Variants in CXADR observed in about 807,000 individuals in gnomAD.
CXADR encodes CXADR cell adhesion molecule, also known as coxsackievirus and adenovirus receptor.
A neutral mutation model predicts 40.3 loss-of-function variants in CXADR; 20 were observed. That is an observed-to-expected ratio of 0.50 (90% CI 0.35 to 0.72). The LOEUF is 0.72. Among genes scored for constraint, CXADR ranks in the 30% least tolerant of loss-of-function variants. The pLI is 0.01. For missense variants in CXADR, 332 were observed against 449.1 expected (o/e 0.74, Z 2.36); for synonymous variants, 150 against 161.3 (o/e 0.93, Z 0.53).
chr21:17,550,891 A>G (rs2060958866), intron 2 of CXADR, among the ~76,000 whole-genome samples: 1 of 152,226 alleles, frequency 6.6e-6, no homozygotes, highest in African/African-American at 2.4e-5. Context: ...GGGTACACAT[A>G]TCTTAAGAGG....
At chr21:17,595,078 C>T (rs1356602145), downstream of CXADR, among the ~76,000 whole-genome samples, 1 of 151,648 alleles carries the variant, frequency 6.6e-6, no homozygotes, top group Non-Finnish European at 1.5e-5. Context: ...AATCTCAGAA[C>T]TAGAGGCCAG....
chr21:17,545,772 G>GTTTT (rs71189545), intron 1 of CXADR, among the ~76,000 whole-genome samples: 1 of 127,078 alleles, frequency 7.9e-6, no homozygotes, highest in Non-Finnish European at 1.7e-5. Flanking sequence ...CAACTATTTG[G>GTTTT]TTTTTTTTGT....
At chr21:17,530,167 G>A (rs1312317676) in intron 1 of CXADR, among the ~76,000 whole-genome samples, 4 of 124,312 alleles carry the variant, frequency 3.2e-5, no homozygotes, top group Non-Finnish European at 4.8e-5. Flanking sequence ...TCACCATACT[G>A]GCCAGGCTGG....
chr21:17,606,950 A>G, the CXADR span, among the ~76,000 whole-genome samples: 1 of 152,288 alleles, frequency 6.6e-6, no homozygotes, highest in Non-Finnish European at 1.5e-5. Flanking sequence ...ATTGCTCTCT[A>G]CAAGTATCTT....
intron 3 of CXADR, 93 bp from the exon 4 acceptor site, chr21:17,558,883 A>G: frequency 7.7e-7 from 1 of 1,302,888 alleles, no homozygotes; most frequent in Non-Finnish European, 1.0e-6. Context: ...CCCAGAACCA[A>G]CTGATAATGA....
chr21:17,620,168 T>A, the CXADR span, among the ~76,000 whole-genome samples: 1 of 152,382 alleles, frequency 6.6e-6, no homozygotes, highest in East Asian at 1.9e-4. Context: ...CTGTCTCGAC[T>A]GACTTTTGCC....
chr21:17,574,992 TAC>T (rs56727668), downstream of CXADR, among the ~76,000 whole-genome samples: 123,499 of 148,548 alleles, frequency 0.83, 51,388 homozygotes, highest in Non-Finnish European at 0.88. Flanking sequence ...ATTACATATA[TAC>T]ACACACATAC....
At chr21:17,633,775 C>T in the CXADR span, among the ~76,000 whole-genome samples, 11 of 152,248 alleles carry the variant, frequency 7.2e-5, no homozygotes, top group African/African-American at 1.9e-4. Context: ...ATTCATCTCC[C>T]CTAAAAATTA....
At chr21:17,529,774 C>A (rs211967) in intron 1 of CXADR, among the ~76,000 whole-genome samples, 150,255 of 152,236 alleles carry the variant, frequency 0.99, 74,185 homozygotes, top group East Asian at 1. Flanking sequence ...CATGCACAGA[C>A]TACCACACAG....
At chr21:17,547,446 A>C (rs542473789) in intron 2 of CXADR, among the ~76,000 whole-genome samples, 137 of 152,346 alleles carry the variant, frequency 9.0e-4, no homozygotes, top group African/African-American at 3.0e-3. Flanking sequence ...TCTTAGAGAC[A>C]CTTCAGGGAA....
At chr21:17,553,764 G>A (rs540260988) in intron 3 of CXADR, among the ~76,000 whole-genome samples, 1 of 152,120 alleles carries the variant, frequency 6.6e-6, no homozygotes, top group African/African-American at 2.4e-5. Context: ...TGGGACTACA[G>A]GTGCCCGCCA....
intron 6 of CXADR, 92 bp from the exon 7 acceptor site, chr21:17,565,336 A>G: frequency 7.2e-7 from 1 of 1,385,934 alleles, no homozygotes. Flanking sequence ...TAGTACCTAA[A>G]TACAGGCTCT....
chr21:17,538,095 G>A (rs1057330083), intron 1 of CXADR, among the ~76,000 whole-genome samples: 1 of 151,924 alleles, frequency 6.6e-6, no homozygotes, highest in African/African-American at 2.4e-5. Context: ...TCCACCTCCC[G>A]GGTTCAAGCC....
the CXADR span, among the ~76,000 whole-genome samples, chr21:17,624,750 T>A: frequency 1.3e-5 from 2 of 152,146 alleles, no homozygotes; most frequent in Non-Finnish European, 2.9e-5. Context: ...GGCACCACTA[T>A]CTGCCTACCA....
chr21:17,529,438 A>C (rs1283598100), intron 1 of CXADR, among the ~76,000 whole-genome samples: 1 of 152,036 alleles, frequency 6.6e-6, no homozygotes, highest in Non-Finnish European at 1.5e-5. Flanking sequence ...CTCATGCCTC[A>C]ACCTGTTGAA....
At chr21:17,616,267 G>GA in the CXADR span, among the ~76,000 whole-genome samples, 34,558 of 141,838 alleles carry the variant, frequency 0.24, 5,079 homozygotes, top group African/African-American at 0.42. Flanking sequence ...AGAAAAGAAG[G>GA]AAAAAAAAAC....
At chr21:17,579,287 TTTC>T (rs907460159) in intron 7 of CXADR, among the ~76,000 whole-genome samples, 18 of 84,876 alleles carry the variant, frequency 2.1e-4, no homozygotes, top group African/African-American at 4.8e-4. Context: ...TTTCTTCTCT[TTTC>T]TTTTTTTTTT....
chr21:17,560,591 C>G, intron 4 of CXADR, 111 bp from the exon 5 acceptor site: 1 of 1,058,290 alleles, frequency 9.4e-7, no homozygotes, highest in African/African-American at 1.6e-5. Context: ...CAGCCTTGGT[C>G]TGTCTTGCTT....
At chr21:17,623,529 T>C in the CXADR span, among the ~76,000 whole-genome samples, 1 of 152,342 alleles carries the variant, frequency 6.6e-6, no homozygotes, top group African/African-American at 2.4e-5. Context: ...CCCCATGGTT[T>C]TGAGTACTGC....
Sources: allele counts gnomAD v4.1 joint callset (sites outside exome capture counted in the v4.1 genomes callset), GRCh38; gene constraint gnomAD v4.1.1; transcripts MANE v1.5; gene names NCBI Gene and HGNC (gene_info 2026-07-23, HGNC 2026-07-21).